ZNF844: variants seen among roughly 807,000 people sequenced by gnomAD.
ZNF844 encodes the protein zinc finger protein 844.
ZNF844 carries 11 observed loss-of-function variants against 11.4 expected under a neutral mutation model. The observed-to-expected ratio is 0.97, with a 90% CI of 0.61 to 1.60. The LOEUF is 1.60. Among genes scored for constraint, ZNF844 ranks in the 40% most tolerant of loss-of-function variants. The pLI is 0.00. For synonymous variants in ZNF844, 248 were observed against 260.3 expected, an observed-to-expected ratio of 0.95 and a Z score of 0.46; for missense variants, 790 against 796.8, an observed-to-expected ratio of 0.99 and a Z score of 0.10.
chr19:12,064,758 G>GCTGGGCCGGCAGCCGGGACCCC lies in ZNF844; in HGVS notation c.-116_-115insCTGGGCCGGCAGCCGGGACCCC. 1 of 1,161,716 alleles carries GCTGGGCCGGCAGCCGGGACCCC rather than the reference G, an allele frequency of 8.6e-7. No individual in the cohort carries two copies. The highest frequency in any genetic ancestry group is 1.2e-6 in the Non-Finnish European group (1 of 822,116). 72.0% of individuals were successfully genotyped at this position (1,161,716 alleles called of 1,614,324 possible). A position where few individuals can be genotyped will look rare whatever the true frequency, so the allele number is the denominator to read the frequency against. On this transcript the variant is annotated 5_prime_UTR_variant, in exon 1 of 4. Transcript: ENST00000439326. ...TCTTTGGCCCCTCCCGCCGGGTGAG[G>GCTGGGCCGGCAGCCGGGACCCC]TTGGCACCCCGTTTTTCCTGCTCTG...
Position 12,076,841 on chromosome 19 carries a change from A to G in ZNF844, c.1721A>G (p.Lys574Arg). 1 of 1,560,488 alleles carries G rather than the reference A, an allele frequency of 6.4e-7. No homozygotes were observed. The highest frequency in any genetic ancestry group is 2.4e-5 in the East Asian group (1 of 41,206). The change falls in exon 4 of 4, where the codon AAA becomes AGA. Residue 574 changes from lysine to arginine, a missense_variant. Physicochemically the swap from Lys to Arg is conservative, Grantham distance 26. Transcript: ENST00000439326. ...CATTCAACAATTTCTCTTCCTTTCA[A>G]ATACATGCAACAATGCACAGAGGAC... Reference protein sequence around the residue: ...EKHSTISLPFKYMQQCTEDRM... With the variant: ...EKHSTISLPFRYMQQCTEDRM...
chr19:12,077,044 A>G lies in ZNF844; in HGVS notation c.1924A>G (p.Ile642Val), dbSNP rs1406006868. 1.3e-6 allele frequency: 2 copies of G among 1,597,710 alleles called. No homozygotes were observed. The highest frequency in any genetic ancestry group is 2.7e-5 in the African/African-American group (2 of 74,522). Residue 642 changes from isoleucine to valine, a missense_variant, in exon 4 of 4, where the codon ATT (isoleucine) becomes GTT (valine). Physicochemically the swap from Ile to Val is conservative, Grantham distance 29. Coordinates refer to ENST00000439326, the MANE Select transcript of ZNF844 (RefSeq NM_001136501.3). ...AGGATGCACACTGGAGAGAAACCATATTAATGTAAGGATTGTGGGAAAGCA... is the reference window on the plus strand; with the variant it reads ...AGGATGCACACTGGAGAGAAACCATGTTAATGTAAGGATTGTGGGAAAGCA... ...TKGCTLERNH[I>V]NVRIVGKHSV...
At chr19:12,066,288 G>T (rs923658284) in intron 1 of ZNF844, among the ~76,000 whole-genome samples, 1 of 151,950 alleles carries the variant, frequency 6.6e-6, no homozygotes, top group South Asian at 2.1e-4. Flanking sequence ...TGAGTGCTGA[G>T]TTGCTTATAG....
At position 12,077,152 on chromosome 19, in the gene ZNF844, C is replaced by T; in HGVS notation, c.*31C>T. On this transcript the variant is annotated 3_prime_UTR_variant, in exon 4 of 4. Coordinates refer to ENST00000439326, the MANE Select transcript of ZNF844 (RefSeq NM_001136501.3). ...TATGAATGCAAGGAATGTGGCAAAG[C>T]CTTCACTTCTTCTGGTTCCTTTCAG... 4 of 1,602,922 alleles carry T rather than the reference C, an allele frequency of 2.5e-6. No homozygotes were observed. In the South Asian group the frequency reaches 3.3e-5, roughly 13 times the overall value.
chr19:12,076,077 G>C lies in ZNF844; in HGVS notation c.957G>C (p.Lys319Asn). Residue 319 changes from lysine to asparagine, a missense_variant, in exon 4 of 4, where the codon AAG becomes AAC. Physicochemically the swap from Lys to Asn is moderately conservative, Grantham distance 94. Around this residue, in one of 3 missense-constraint regions of ZNF844, gnomAD observed 657 missense variants for 636.2 expected, o/e 1.03. Coordinates refer to ENST00000439326, the MANE Select transcript of ZNF844 (RefSeq NM_001136501.3). ...YECTKCGKAFKCPSYLCRHEV... is the reference protein window; with the variant it reads ...YECTKCGKAFNCPSYLCRHEV... ...GTACCAAATGTGGGAAAGCATTCAA[G>C]TGTCCCAGTTATCTTTGTAGACATG... 6.4e-7 allele frequency: 1 copy of C among 1,563,436 alleles called. No homozygotes were observed. Among genetic ancestry groups the C allele is most frequent in the Non-Finnish European group, 8.7e-7 (1 of 1,153,310 alleles).
rs1452822848 is a variant in ZNF844 at position 12,076,265 on chromosome 19, T to C, written c.1145T>C (p.Met382Thr). The stretch of plus-strand genomic sequence containing the variant: ...ATTCTCCCAGTTCGTTTTGAAGACA[T>C]GAAAGAACTCACACTGGAGAGAAAC... Reference protein sequence around the residue: ...PLILPVRFEDMKELTLERNLM... With the variant: ...PLILPVRFEDTKELTLERNLM... Residue 382 changes from methionine (M) to threonine (T), a missense_variant, in exon 4 of 4, where the codon ATG becomes ACG. Physicochemically the swap from Met to Thr is moderately conservative, Grantham distance 81. Around this residue, in one of 3 missense-constraint regions of ZNF844, gnomAD observed 657 missense variants for 636.2 expected, o/e 1.03. Coordinates refer to ENST00000439326, the MANE Select transcript of ZNF844 (RefSeq NM_001136501.3). 1 of 1,613,108 alleles carries C rather than the reference T, an allele frequency of 6.2e-7. No individual in the cohort carries two copies. The highest frequency in any genetic ancestry group is 8.5e-7 in the Non-Finnish European group (1 of 1,179,538).
At chr19:12,069,484 C>G (rs1369957210) in intron 1 of ZNF844, among the ~76,000 whole-genome samples, 1 of 151,210 alleles carries the variant, frequency 6.6e-6, no homozygotes, top group Admixed American at 6.6e-5. Flanking sequence ...CGCGCCCAGC[C>G]AGGAATGACT....
Position 12,080,879 on chromosome 19 carries a change from G to C in ZNF844, c.*3758G>C, listed in dbSNP as rs909574463. ...AGTGATTCTGGTGTCTCAGCCACCTGAGTAGTCAGGATTACAGGTGCACAC... is the reference window on the plus strand; with the variant it reads ...AGTGATTCTGGTGTCTCAGCCACCTCAGTAGTCAGGATTACAGGTGCACAC... On this transcript the variant is annotated 3_prime_UTR_variant, in exon 4 of 4. Coordinates refer to ENST00000439326, the MANE Select transcript of ZNF844 (RefSeq NM_001136501.3). 6.6e-6 allele frequency: 1 copy of C among 152,142 alleles called. No homozygotes were observed. Among genetic ancestry groups the C allele is most frequent in the Non-Finnish European group, 1.5e-5 (1 of 68,062 alleles). The allele number at this position is 152,142 out of a possible 1,614,324, so 9.4% of individuals were successfully genotyped here.
At chr19:12,066,248 C>CAAA (rs2145540291) in intron 1 of ZNF844, among the ~76,000 whole-genome samples, 1 of 151,702 alleles carries the variant, frequency 6.6e-6, no homozygotes, top group East Asian at 2.0e-4. Flanking sequence ...AAGGCAGAAT[C>CAAA]GGGGAAGAGG....
At position 12,074,397 on chromosome 19, in the gene ZNF844, A is replaced by C; in HGVS notation, c.167A>C (p.Tyr56Ser). Residue 56 changes from tyrosine to serine, a missense_variant, in exon 3 of 4, where the codon TAC (tyrosine) becomes TCC (serine). Physicochemically the swap from Tyr to Ser is moderately radical, Grantham distance 144. This residue lies in a region of ZNF844 where 129 missense variants were observed against 144.0 expected (regional missense o/e 0.90). Coordinates refer to ENST00000439326, the MANE Select transcript of ZNF844 (RefSeq NM_001136501.3). The part of the protein sequence containing the change: ...KWKDQNIEDQ[Y>S]KNPRNNLRSL... ...AAAGACCAGAACATTGAAGATCAGT[A>C]CAAAAATCCCAGGAATAATCTAAGG... 6.5e-7 allele frequency: 1 copy of C among 1,538,448 alleles called. No homozygotes were observed. The highest frequency in any genetic ancestry group is 8.7e-7 in the Non-Finnish European group (1 of 1,143,518).
At chr19:12,065,672 T>C (rs1975680282) in intron 1 of ZNF844, among the ~76,000 whole-genome samples, 1 of 151,714 alleles carries the variant, frequency 6.6e-6, no homozygotes. Context: ...GTCTCGCTCT[T>C]TTTTGCCCAG....
chr19:12,074,376 A>T lies in ZNF844; in HGVS notation c.146A>T (p.Asp49Val). ...NLASIGEKWK[D>V]QNIEDQYKNP... ...TGTATTTTAGGAGAAAAATGGAAAG[A>T]CCAGAACATTGAAGATCAGTACAAA... The change falls in exon 3 of 4, where the codon GAC (aspartate) becomes GTC (valine). Residue 49 changes from aspartate (D) to valine (V), a missense_variant. By Grantham distance (152) the Asp-to-Val change is radical. Transcript: ENST00000439326. 1 of 1,534,054 alleles carries T rather than the reference A, an allele frequency of 6.5e-7. No homozygotes were observed. The highest frequency in any genetic ancestry group is 8.8e-7 in the Non-Finnish European group (1 of 1,141,876).
rs1308238717 is a variant in ZNF844 at position 12,074,400 on chromosome 19, A to G, written c.170A>G (p.Lys57Arg). Residue 57 changes from lysine to arginine, a missense_variant, in exon 3 of 4, where the codon AAA (lysine) becomes AGA (arginine). Transcript: ENST00000439326. ...GACCAGAACATTGAAGATCAGTACA[A>G]AAATCCCAGGAATAATCTAAGGTGA... ...WKDQNIEDQY[K>R]NPRNNLRSLL... 1 of 1,538,410 alleles carries G rather than the reference A, an allele frequency of 6.5e-7. No individual in the cohort carries two copies. The highest frequency in any genetic ancestry group is 1.4e-5 in the African/African-American group (1 of 72,282).
rs1449953932 is a variant in ZNF844 at position 12,064,884 on chromosome 19, T to G, written c.3+8T>G. The G allele has an allele frequency of 1.3e-6, 2 of 1,549,342 alleles. No homozygotes were observed. The highest frequency in any genetic ancestry group is 1.7e-6 in the Non-Finnish European group (2 of 1,146,368). On this transcript the variant is annotated splice_region_variant and intron_variant, in intron 1 of 3. Coordinates refer to ENST00000439326, the MANE Select transcript of ZNF844 (RefSeq NM_001136501.3). ...CCTGAAAGCCAGGAAATGGTGAGTGTGAGCCCCCGCTGGGAGTCCCGAGAC... is the reference window on the plus strand; with the variant it reads ...CCTGAAAGCCAGGAAATGGTGAGTGGGAGCCCCCGCTGGGAGTCCCGAGAC...
intron 1 of ZNF844, among the ~76,000 whole-genome samples, chr19:12,071,313 A>G (rs998406929): frequency 4.6e-5 from 7 of 152,108 alleles, no homozygotes; most frequent in African/African-American, 1.7e-4. Flanking sequence ...CCCCGAGAAT[A>G]CTCTTGTCTC....
rs1471883920 is a variant in ZNF844, at chr19:12,079,925, A to C, written c.*2804A>C. On this transcript the variant is annotated 3_prime_UTR_variant, in exon 4 of 4. Transcript: ENST00000439326. ...CACAGCATTGCACTTCAGCCTGGGCAACAAGAGTGAAACTCCATCTCAAAA... is the reference window on the plus strand; with the variant it reads ...CACAGCATTGCACTTCAGCCTGGGCCACAAGAGTGAAACTCCATCTCAAAA... The C allele has an allele frequency of 6.6e-6, 1 of 151,530 alleles. No individual in the cohort carries two copies. The highest frequency in any genetic ancestry group is 1.4e-5 in the Non-Finnish European group (1 of 69,456). 9.4% of individuals were successfully genotyped at this position (151,530 alleles called of 1,614,324 possible). A position where few individuals can be genotyped will look rare whatever the true frequency, so the allele number is the denominator to read the frequency against.
rs2145548110 is a variant in ZNF844 at position 12,075,703 on chromosome 19, G to T, written c.583G>T (p.Gly195Ter). 1 of 1,613,698 alleles carries T rather than the reference G, an allele frequency of 6.2e-7. No individual in the cohort carries two copies. Among genetic ancestry groups the T allele is most frequent in the African/African-American group, 1.3e-5 (1 of 75,014 alleles). Residue 195 changes from glycine to a stop codon, truncating the protein, a stop_gained, in exon 4 of 4, where the codon GGA becomes TGA. Transcript: ENST00000439326. LOFTEE classifies it low-confidence loss of function (END_TRUNC). ...QRHMIMHNGD[G>*]TYKCKFCGKA... ...ACACATGATAATGCACAATGGAGAT[G>T]GAACTTATAAATGTAAGTTTTGTGG...
chr19:12,074,240 G>A, intron 2 of ZNF844, 83 bp downstream of exon 2: 2 of 1,580,422 alleles, frequency 1.3e-6, no homozygotes, highest in Non-Finnish European at 1.7e-6. Flanking sequence ...TTGGAATATG[G>A]ACAGGCAATA....
rs1199780561 is a variant in ZNF844, at chr19:12,078,487, T to C, written c.*1366T>C. 1 of 152,214 alleles carries C rather than the reference T, an allele frequency of 6.6e-6. No homozygotes were observed. The highest frequency in any genetic ancestry group is 1.5e-5 in the Non-Finnish European group (1 of 68,034). 9.4% of individuals were successfully genotyped at this position (152,214 alleles called of 1,614,324 possible). A position where few individuals can be genotyped will look rare whatever the true frequency, so the allele number is the denominator to read the frequency against. ...AAAATATCTCAGTGCCATCATGCAT[T>C]AGATCAAGTTTATGTTACCACATTA... On this transcript the variant is annotated 3_prime_UTR_variant, in exon 4 of 4. Transcript: ENST00000439326.
Sources: allele counts gnomAD v4.1 joint callset (sites outside exome capture counted in the v4.1 genomes callset), GRCh38; gene constraint gnomAD v4.1.1; regional missense constraint gnomAD v4.1.1; transcripts MANE v1.5; gene names NCBI Gene and HGNC (gene_info 2026-07-23, HGNC 2026-07-21).